Variants in ERC2 observed in about 807,000 individuals in gnomAD.
ERC2 encodes the protein ERC protein 2.
Under a neutral mutation model 114.8 loss-of-function variants are expected in ERC2, and 42 were observed. That is an observed-to-expected ratio of 0.37 (90% CI 0.29 to 0.47). The LOEUF (loss-of-function observed/expected upper bound fraction) is 0.47. Ranked by LOEUF, ERC2 falls within the 20% of genes least tolerant of loss-of-function variation. The pLI, the probability that ERC2 is intolerant of heterozygous loss-of-function variation, is 0.99. For missense variants in ERC2, 939 were observed against 1,150.7 expected (o/e 0.82, Z 2.66); for synonymous variants, 454 against 425.5 (o/e 1.07, Z -0.82).
chr3:56,258,514 C>T (rs1195471284), intron 3 of ERC2, among the ~76,000 whole-genome samples: 2 of 152,040 alleles, frequency 1.3e-5, no homozygotes, highest in African/African-American at 2.4e-5. Context: ...ATTAGCCGGG[C>T]GTGGTGGTGG....
intron 17 of ERC2, among the ~76,000 whole-genome samples, chr3:55,683,313 AT>A (rs1488613844): frequency 2.6e-5 from 4 of 152,214 alleles, no homozygotes; most frequent in African/African-American, 9.6e-5. Context: ...CTTAGAGATG[AT>A]AGTTTCAGCT....
At chr3:55,851,256 C>T (rs921526771) in intron 14 of ERC2, among the ~76,000 whole-genome samples, 2 of 152,032 alleles carry the variant, frequency 1.3e-5, no homozygotes, top group East Asian at 3.9e-4. Flanking sequence ...TGGGTACTGG[C>T]CTGGAGCAGG....
intron 1 of ERC2, among the ~76,000 whole-genome samples, chr3:56,454,584 T>C (rs2062973484): frequency 1.3e-5 from 2 of 152,140 alleles, no homozygotes. Context: ...AAATGGAATA[T>C]TATTCATCCT....
At chr3:56,192,927 A>G (rs1342884596) in intron 3 of ERC2, among the ~76,000 whole-genome samples, 1 of 152,160 alleles carries the variant, frequency 6.6e-6, no homozygotes, top group Non-Finnish European at 1.5e-5. Flanking sequence ...AAGTAGTACC[A>G]CTAAGGCCAG....
chr3:56,244,804 A>C (rs1220540852), intron 3 of ERC2, among the ~76,000 whole-genome samples: 1 of 152,140 alleles, frequency 6.6e-6, no homozygotes, highest in South Asian at 2.1e-4. Context: ...CTTCACATTC[A>C]CTCACCACTC....
At chr3:55,752,430 C>G (rs564428154) in intron 14 of ERC2, among the ~76,000 whole-genome samples, 16 of 152,290 alleles carry the variant, frequency 1.1e-4, no homozygotes, top group Non-Finnish European at 1.6e-4. Context: ...CACTACCAAT[C>G]AGGGATTTTG....
rs115632977 is a variant in ERC2, at chr3:55,880,357, T to C, written c.2564+8032A>G. 9.0e-3 allele frequency among the ~76,000 whole-genome samples: 1,369 copies of C among 152,350 alleles called. 17 individuals are homozygous for C. The highest frequency in any genetic ancestry group is 0.032 in the African/African-American group (1,314 of 41,574). Reference sequence around the variant, plus strand: ...ATTTTCTTTATAGTTAAGTTTTACTTACCCACTATAAGTTTTATGTTCAGC... The same window carrying C: ...ATTTTCTTTATAGTTAAGTTTTACTCACCCACTATAAGTTTTATGTTCAGC... On this transcript the variant is annotated intron_variant, in intron 14 of 17. Transcript: ENST00000288221.
rs60409731 is a variant in ERC2, at chr3:55,651,465, C to T, written c.*39+32329G>A. Among the ~76,000 whole-genome samples the T allele has an allele frequency of 3.6e-3, 550 of 152,264 alleles. 3 individuals are homozygous for T. Among genetic ancestry groups the T allele is most frequent in the African/African-American group, 0.012 (516 of 41,548 alleles). On this transcript the variant is annotated intron_variant, in intron 17 of 17. Coordinates refer to ENST00000288221, the MANE Select transcript of ERC2 (RefSeq NM_015576.3). ...AAACATCATCTGGAAGCCATGTGATCGAGCGGACACTGATTTTGTGTAAGC... is the reference window on the plus strand; with the variant it reads ...AAACATCATCTGGAAGCCATGTGATTGAGCGGACACTGATTTTGTGTAAGC...
chr3:56,093,522 C>A (rs1034077487), intron 6 of ERC2, among the ~76,000 whole-genome samples: 10 of 152,130 alleles, frequency 6.6e-5, no homozygotes, highest in Non-Finnish European at 1.3e-4. Context: ...ACACAACATA[C>A]CACTAGTTCA....
chr3:55,902,463 A>G (rs2064188422), intron 13 of ERC2, among the ~76,000 whole-genome samples: 1 of 152,310 alleles, frequency 6.6e-6, no homozygotes, highest in Admixed American at 6.5e-5. Context: ...CTCAGAACAA[A>G]GACGCCCACC....
intron 17 of ERC2, among the ~76,000 whole-genome samples, chr3:55,530,741 A>C (rs182676958): frequency 1.5e-3 from 224 of 152,304 alleles, no homozygotes; most frequent in African/African-American, 5.1e-3. Flanking sequence ...GAAATAGAGC[A>C]CCTGTGCACA....
At chr3:55,635,964 C>T (rs1295283235) in intron 17 of ERC2, among the ~76,000 whole-genome samples, 1 of 151,902 alleles carries the variant, frequency 6.6e-6, no homozygotes, top group Non-Finnish European at 1.5e-5. Context: ...GCAACCTCCG[C>T]CTCTGGGTTC....
In ERC2 at chr3:56,434,777, C is replaced by T. The variant is rs374656339; in HGVS notation, c.231G>A (p.Lys77=). 5.4e-5 allele frequency: 87 copies of T among 1,613,850 alleles called. 1 individual carries two copies. Among genetic ancestry groups the T allele is most frequent in the Middle Eastern group, 3.3e-4 (2 of 6,084 alleles). The stretch of plus-strand genomic sequence containing the variant: ...TAGCCCTTCCCAGAGTCATAGTGCC[C>T]TTTGGGTAGGTTGTTGAAGCCACCC... The part of the protein sequence containing the change: ...HEGVASTTYP[K]GTMTLGRATN... Residue 77 remains lysine, a synonymous_variant, in exon 2 of 18, where the codon AAG becomes AAA. Coordinates refer to ENST00000288221, the MANE Select transcript of ERC2 (RefSeq NM_015576.3).
intron 9 of ERC2, among the ~76,000 whole-genome samples, chr3:56,009,312 G>A (rs1191474068): frequency 2.6e-5 from 4 of 152,198 alleles, no homozygotes. Flanking sequence ...TGGAAGCTAG[G>A]AAGAGAACTC....
chr3:55,675,719 T>G (rs1474291475), intron 17 of ERC2, among the ~76,000 whole-genome samples: 1 of 152,074 alleles, frequency 6.6e-6, no homozygotes, highest in East Asian at 1.9e-4. Flanking sequence ...ATGAAACCTG[T>G]GAGCCTTCTC....
chr3:56,466,842 C>T (rs755196473), intron 1 of ERC2, among the ~76,000 whole-genome samples: 7 of 152,220 alleles, frequency 4.6e-5, no homozygotes, highest in South Asian at 2.1e-4. Flanking sequence ...CAAAGTGCCA[C>T]ACCCTTTTCC....
intron 8 of ERC2, among the ~76,000 whole-genome samples, chr3:56,017,884 A>G (rs532091013): frequency 6.6e-6 from 1 of 152,076 alleles, no homozygotes; most frequent in Non-Finnish European, 1.5e-5. Flanking sequence ...GGCTCACTCC[A>G]CCAGTATCCA....
intron 2 of ERC2, among the ~76,000 whole-genome samples, chr3:56,424,024 T>G (rs989667): frequency 0.99 from 151,111 of 152,350 alleles, 74,948 homozygotes; most frequent in Middle Eastern, 1. Flanking sequence ...CTGGCCAGAA[T>G]AGGCCACATT....
At chr3:56,031,325 C>T (rs1288522580) in intron 7 of ERC2, among the ~76,000 whole-genome samples, 1 of 152,200 alleles carries the variant, frequency 6.6e-6, no homozygotes, top group Non-Finnish European at 1.5e-5. Context: ...CTACCATGGA[C>T]TCAGTACTGG....
Sources: allele counts gnomAD v4.1 joint callset (sites outside exome capture counted in the v4.1 genomes callset), GRCh38; gene constraint gnomAD v4.1.1; transcripts MANE v1.5; gene names NCBI Gene and HGNC (gene_info 2026-07-23, HGNC 2026-07-21).